Variants in GPD2 observed in about 807,000 individuals in gnomAD.
The protein encoded by GPD2 is glycerol-3-phosphate dehydrogenase, mitochondrial.
In GPD2, 54 loss-of-function variants were observed where a neutral mutation model predicts 82.4. The ratio of observed to expected loss-of-function variants is 0.66; its 90% CI spans 0.53 to 0.82. The LOEUF is 0.82. Among genes scored for constraint, GPD2 ranks in the 40% least tolerant of loss-of-function variants. The pLI is 0.00. For synonymous variants in GPD2, 288 were observed against 306.1 expected (o/e 0.94, Z 0.62); for missense variants, 748 against 896.2 (o/e 0.83, Z 2.11).
intron 2 of GPD2, among the ~76,000 whole-genome samples, chr2:156,477,812 G>C (rs888873445): frequency 6.6e-6 from 1 of 152,078 alleles, no homozygotes; most frequent in African/African-American, 2.4e-5. Context: ...AGATTGCCTT[G>C]GTTCCTTAAA....
intron 6 of GPD2, among the ~76,000 whole-genome samples, chr2:156,535,569 G>GC (rs1553474586): frequency 6.7e-6 from 1 of 150,140 alleles, no homozygotes; most frequent in Non-Finnish European, 1.5e-5. Context: ...TCTTGTTGTT[G>GC]TTTTTTTTTG....
intron 4 of GPD2, 21 bp from the exon 5 acceptor site, chr2:156,512,199 T>A (rs1393534007): frequency 8.1e-7 from 1 of 1,231,806 alleles, no homozygotes; most frequent in African/African-American, 1.5e-5. Flanking sequence ...CCAAACTAAT[T>A]TTCTCTGTTT....
At chr2:156,517,320 T>C (rs1685236244) in intron 6 of GPD2, among the ~76,000 whole-genome samples, 3 of 152,326 alleles carry the variant, frequency 2.0e-5, no homozygotes, top group African/African-American at 7.2e-5. Flanking sequence ...GTATGATCTG[T>C]ACCATATTTT....
Position 156,579,138 on chromosome 2 carries a change from A to G in GPD2, c.1933A>G (p.Ile645Val), listed in dbSNP as rs779960927. ...FDADQKGFIT[I>V]VDVQRVLESI... Reference sequence around the variant, plus strand: ...TGCAGACCAGAAAGGCTTTATTACCATTGTTGATGTTCAGCGTGTATTAGA... The same window carrying G: ...TGCAGACCAGAAAGGCTTTATTACCGTTGTTGATGTTCAGCGTGTATTAGA... Residue 645 changes from isoleucine (I) to valine (V), a missense_variant, in exon 15 of 17, where the codon ATT (isoleucine) becomes GTT (valine). Around this residue, in one of 3 missense-constraint regions of GPD2, gnomAD observed 692 missense variants for 809.7 expected, o/e 0.85. Transcript: ENST00000438166. The G allele has an allele frequency of 6.2e-7, 1 of 1,604,870 alleles. No homozygotes were observed. The highest frequency in any genetic ancestry group is 1.7e-5 in the Admixed American group (1 of 59,992).
intron 1 of GPD2, among the ~76,000 whole-genome samples, chr2:156,439,129 T>A (rs996551934): frequency 6.6e-6 from 1 of 152,358 alleles, no homozygotes; most frequent in Non-Finnish European, 1.5e-5. Context: ...TCAAAAATGA[T>A]CTTTCTGTTG....
At chr2:156,524,297 A>G (rs1387758191) in intron 6 of GPD2, among the ~76,000 whole-genome samples, 1 of 152,214 alleles carries the variant, frequency 6.6e-6, no homozygotes, top group East Asian at 1.9e-4. Flanking sequence ...CTGCATAAGA[A>G]GCAACACCTA....
chr2:156,405,464 G>A, the GPD2 span, among the ~76,000 whole-genome samples: 1 of 152,182 alleles, frequency 6.6e-6, no homozygotes, highest in Non-Finnish European at 1.5e-5. Context: ...CGCAGCCTTA[G>A]GGAATGACAA....
chr2:156,401,173 C>G, the GPD2 span, among the ~76,000 whole-genome samples: 3 of 152,266 alleles, frequency 2.0e-5, no homozygotes, highest in Non-Finnish European at 2.9e-5. Context: ...CGAACCCGGG[C>G]CTCCCGCGTG....
At chr2:156,406,799 C>T in the GPD2 span, among the ~76,000 whole-genome samples, 2 of 152,216 alleles carry the variant, frequency 1.3e-5, no homozygotes, top group African/African-American at 2.4e-5. Flanking sequence ...ACTTCCCTTC[C>T]TAAAGCTCTT....
At chr2:156,483,193 A>T (rs867671440) in intron 2 of GPD2, among the ~76,000 whole-genome samples, 2 of 152,158 alleles carry the variant, frequency 1.3e-5, no homozygotes, top group South Asian at 4.1e-4. Flanking sequence ...CTAATTTAGG[A>T]TTTATTTGAA....
chr2:156,400,450 C>A, the GPD2 span, among the ~76,000 whole-genome samples: 145 of 152,312 alleles, frequency 9.5e-4, no homozygotes, highest in African/African-American at 3.4e-3. Flanking sequence ...CCAGCTCCGG[C>A]AGGCATTGGG....
chr2:156,483,382 A>G (rs1480230679), intron 2 of GPD2, among the ~76,000 whole-genome samples: 1 of 152,232 alleles, frequency 6.6e-6, no homozygotes, highest in Non-Finnish European at 1.5e-5. Context: ...CCAAGCACTA[A>G]GTCAATACAT....
chr2:156,489,262 A>G (rs1473489210), intron 2 of GPD2, among the ~76,000 whole-genome samples: 3 of 152,232 alleles, frequency 2.0e-5, no homozygotes, highest in African/African-American at 7.2e-5. Context: ...ATTCTGATTT[A>G]GATGTGAAAT....
intron 3 of GPD2, among the ~76,000 whole-genome samples, chr2:156,505,401 T>A (rs1298496787): frequency 1.3e-5 from 2 of 152,164 alleles, no homozygotes; most frequent in Non-Finnish European, 2.9e-5. Flanking sequence ...TTCCCCAGAC[T>A]ACCTACTAAA....
chr2:156,416,387 A>T, the GPD2 span, among the ~76,000 whole-genome samples: 1 of 150,140 alleles, frequency 6.7e-6, no homozygotes, highest in Non-Finnish European at 1.5e-5. Flanking sequence ...TCACCTTGTC[A>T]CTCAGGCCAG....
chr2:156,499,551 C>T (rs1684511089), intron 3 of GPD2, among the ~76,000 whole-genome samples: 1 of 152,018 alleles, frequency 6.6e-6, no homozygotes, highest in African/African-American at 2.4e-5. Context: ...TTCTTTTTCA[C>T]CTTCTGAAAA....
chr2:156,419,049 C>CTTTTTTTT, the GPD2 span, among the ~76,000 whole-genome samples: 9 of 77,216 alleles, frequency 1.2e-4, no homozygotes, highest in East Asian at 3.8e-4. Context: ...TTCTTTCCTT[C>CTTTTTTTT]TTTTTTTTTT....
At chr2:156,490,207 T>G (rs1033004823) in intron 2 of GPD2, among the ~76,000 whole-genome samples, 1 of 152,064 alleles carries the variant, frequency 6.6e-6, no homozygotes, top group Non-Finnish European at 1.5e-5. Context: ...TTATTTCCCC[T>G]CAATCAACAT....
chr2:156,449,703 C>T (rs574907360), intron 1 of GPD2, among the ~76,000 whole-genome samples: 2 of 152,108 alleles, frequency 1.3e-5, no homozygotes, highest in Middle Eastern at 3.4e-3. Context: ...AATGGACAAC[C>T]ATTGTATTAA....
Sources: gnomAD v4.1 joint callset for allele counts (sites outside exome capture counted in the v4.1 genomes callset) on GRCh38, gnomAD v4.1.1 for gene constraint, gnomAD v4.1.1 regional missense constraint, MANE v1.5 for transcripts, NCBI Gene and HGNC (gene_info 2026-07-23, HGNC 2026-07-21) for gene names.